The following BTBD16 variants were observed in gnomAD, a reference collection of about 807,000 sequenced individuals.
BTBD16 encodes the protein BTB domain containing 16, also known as BTB/POZ domain-containing protein 16.
A neutral mutation model predicts 67.4 loss-of-function variants in BTBD16; 66 were observed. That is an observed-to-expected ratio of 0.98 (90% CI 0.80 to 1.20). BTBD16 has a LOEUF of 1.20. BTBD16 is among the 50% of genes most tolerant of loss of function. The pLI, the probability that BTBD16 is intolerant of heterozygous loss-of-function variation, is 0.00. For synonymous variants in BTBD16, 242 were observed against 236.4 expected, an observed-to-expected ratio of 1.02 and a Z score of -0.22; for missense variants, 634 against 616.0, an observed-to-expected ratio of 1.03 and a Z score of -0.31.
rs537133654 is a variant in BTBD16, at chr10:122,330,629, A to AT, written c.1004-540dup. Among the ~76,000 whole-genome samples the AT allele has an allele frequency of 5.4e-5, 8 of 147,122 alleles. No homozygotes were observed. The South Asian group carries it at 1.7e-3, about 31-fold the overall frequency. On this transcript the variant is annotated intron_variant, in intron 11 of 15. Coordinates refer to ENST00000260723, the MANE Select transcript of BTBD16 (RefSeq NM_144587.5). ...TTGTACATTAATATGTAGTATAGAC[A>AT]TTTTTTTAAACTGAAGTTGAAATGG...
Position 122,283,885 on chromosome 10 carries a change from G to C in BTBD16, c.202G>C (p.Glu68Gln), listed in dbSNP as rs150016478. 6.8e-6 allele frequency: 11 copies of C among 1,614,092 alleles called. No individual in the cohort carries two copies. In the African/African-American group the frequency reaches 1.5e-4, roughly 22 times the overall value. Residue 68 changes from glutamate (E) to glutamine (Q), a missense_variant, in exon 4 of 16, where the codon GAG (glutamate) becomes CAG (glutamine). Transcript: ENST00000260723. Reference sequence around the variant, plus strand: ...TTCACAAATCCAGAAGTTTTTCTTTGAGAATTTCAAGAACAAGGACATCCA... The same window carrying C: ...TTCACAAATCCAGAAGTTTTTCTTTCAGAATTTCAAGAACAAGGACATCCA... ...CISQIQKFFF[E>Q]NFKNKDIQSG...
chr10:122,321,002 C>A (rs1412274362), intron 10 of BTBD16, among the ~76,000 whole-genome samples: 1 of 152,064 alleles, frequency 6.6e-6, no homozygotes, highest in African/African-American at 2.4e-5. Context: ...GCCTTTGTCT[C>A]CCTCCCTCCC....
chr10:122,319,352 G>A (rs1433582178), intron 10 of BTBD16, among the ~76,000 whole-genome samples: 1 of 152,000 alleles, frequency 6.6e-6, no homozygotes. Flanking sequence ...GAGATTTATT[G>A]TTTTAGCTCT....
Position 122,273,524 on chromosome 10 carries a change from G to T in BTBD16, c.-42-1516G>T, listed in dbSNP as rs140403737. The stretch of plus-strand genomic sequence containing the variant: ...GGAGGCCAAGGCAGGAGGATTGCTT[G>T]ATATCAGGAGTTCAAGACCAGTCTG... On this transcript the variant is annotated intron_variant, in intron 1 of 15. Coordinates refer to ENST00000260723, the MANE Select transcript of BTBD16 (RefSeq NM_144587.5). Among the ~76,000 whole-genome samples, 352 of 152,234 alleles carry T rather than the reference G, an allele frequency of 2.3e-3. 1 individual carries two copies. Among genetic ancestry groups the T allele is most frequent in the African/African-American group, 8.1e-3 (336 of 41,548 alleles).
chr10:122,292,739 C>CT (rs1488292255), intron 7 of BTBD16, among the ~76,000 whole-genome samples: 1 of 152,196 alleles, frequency 6.6e-6, no homozygotes, highest in Non-Finnish European at 1.5e-5. Context: ...TCCCTGCCCT[C>CT]TAAAGTCTCC....
chr10:122,288,813 G>A (rs111388169), intron 5 of BTBD16, among the ~76,000 whole-genome samples: 8 of 152,322 alleles, frequency 5.3e-5, no homozygotes, highest in African/African-American at 9.6e-5. Flanking sequence ...AAGGGAGGGC[G>A]GAAGCCCCAC....
In BTBD16 at chr10:122,316,934, T is replaced by A. The variant is rs74991034; in HGVS notation, c.911+9626T>A. On this transcript the variant is annotated intron_variant, in intron 10 of 15. Coordinates refer to ENST00000260723, the MANE Select transcript of BTBD16 (RefSeq NM_144587.5). ...TCCTGAGTAGCTGGGATTACAGGCA[T>A]GTGTCAGTGCGCCCGGCTAATTTTT... 3.5e-4 allele frequency among the ~76,000 whole-genome samples: 53 copies of A among 152,240 alleles called. No individual in the cohort carries two copies. The East Asian group carries it at 9.3e-3, about 27-fold the overall frequency.
chr10:122,283,998 G>T (rs1590052243), intron 4 of BTBD16, 74 bp downstream of exon 4: 1 of 1,125,318 alleles, frequency 8.9e-7, no homozygotes, highest in East Asian at 2.4e-5. Flanking sequence ...TTTATGGAAG[G>T]AGACCAGTCC....
intron 8 of BTBD16, among the ~76,000 whole-genome samples, chr10:122,298,484 C>T (rs1160700586): frequency 6.6e-6 from 1 of 152,214 alleles, no homozygotes; most frequent in East Asian, 1.9e-4. Context: ...AGAAGCTATT[C>T]GAGGTGTACT....
intron 1 of BTBD16, among the ~76,000 whole-genome samples, chr10:122,271,941 G>A (rs1257119019): frequency 1.3e-5 from 2 of 152,158 alleles, no homozygotes; most frequent in African/African-American, 2.4e-5. Context: ...CCCGTGTGGG[G>A]TTTATTCTGT....
At chr10:122,294,843 G>T (rs1330865008) in intron 7 of BTBD16, among the ~76,000 whole-genome samples, 1 of 152,256 alleles carries the variant, frequency 6.6e-6, no homozygotes, top group Non-Finnish European at 1.5e-5. Context: ...CATAAGAGAA[G>T]GTGCCAGCCT....
rs2096373139 is a variant in BTBD16, at chr10:122,291,106, T to C, written c.502T>C (p.Tyr168His). The C allele has an allele frequency of 6.2e-7, 1 of 1,613,262 alleles. No individual in the cohort carries two copies. Among genetic ancestry groups the C allele is most frequent in the Admixed American group, 1.7e-5 (1 of 59,920 alleles). The change falls in exon 7 of 16, where the codon TAC (tyrosine) becomes CAC (histidine). Residue 168 changes from tyrosine to histidine, a missense_variant. Physicochemically the swap from Tyr to His is moderately conservative, Grantham distance 83. Transcript: ENST00000260723. The part of the protein sequence containing the change: ...VAFATALKNL[Y>H]MSEVEINLED... Reference sequence around the variant, plus strand: ...CTTCGCCACGGCCCTGAAGAACCTCTACATGAGTGAGGTGGAGATTAACTT... The same window carrying C: ...CTTCGCCACGGCCCTGAAGAACCTCCACATGAGTGAGGTGGAGATTAACTT...
chr10:122,294,146 G>T, intron 7 of BTBD16: 4 of 985,434 alleles, frequency 4.1e-6, no homozygotes, highest in Non-Finnish European at 4.8e-6. Flanking sequence ...GGCCAGGGCG[G>T]GCCTGCACAT....
chr10:122,285,785 C>T (rs1258267389), intron 4 of BTBD16, among the ~76,000 whole-genome samples: 2 of 152,112 alleles, frequency 1.3e-5, no homozygotes, highest in African/African-American at 4.8e-5. Context: ...GTCCTCGTTC[C>T]ATGAAGCTTT....
intron 9 of BTBD16, among the ~76,000 whole-genome samples, chr10:122,304,377 A>G (rs2096399498): frequency 6.6e-6 from 1 of 152,146 alleles, no homozygotes; most frequent in Admixed American, 6.5e-5. Context: ...TTGAATGTGG[A>G]AGCGGTGATG....
At chr10:122,277,814 T>C (rs1279785677) in intron 3 of BTBD16, among the ~76,000 whole-genome samples, 1 of 152,108 alleles carries the variant, frequency 6.6e-6, no homozygotes, top group Non-Finnish European at 1.5e-5. Flanking sequence ...GGGATCAAAT[T>C]TCTACACGAG....
At chr10:122,318,627 C>T (rs2096430345) in intron 10 of BTBD16, among the ~76,000 whole-genome samples, 1 of 152,138 alleles carries the variant, frequency 6.6e-6, no homozygotes. Context: ...ACTCTGTTGC[C>T]CAGGCTGGAG....
At chr10:122,333,568 G>A (rs947159959) in intron 13 of BTBD16, among the ~76,000 whole-genome samples, 1 of 152,158 alleles carries the variant, frequency 6.6e-6, no homozygotes, top group African/African-American at 2.4e-5. Flanking sequence ...AAGCAGGATT[G>A]CAGCCAGGGC....
rs149699378 is a variant in BTBD16, at chr10:122,291,133, G to C, written c.529G>C (p.Glu177Gln). The stretch of plus-strand genomic sequence containing the variant: ...CATGAGTGAGGTGGAGATTAACTTG[G>C]AAGACCTACTGGGAGTGCTGGCTTC... ...LYMSEVEINL[E>Q]DLLGVLASAH... The change falls in exon 7 of 16, where the codon GAA becomes CAA. Residue 177 changes from glutamate to glutamine, a missense_variant. Transcript: ENST00000260723. 1.4e-4 allele frequency: 218 copies of C among 1,613,758 alleles called. No homozygotes were observed. In the East Asian group the frequency reaches 4.7e-3, roughly 35 times the overall value.
Sources: allele counts gnomAD v4.1 joint callset (sites outside exome capture counted in the v4.1 genomes callset), GRCh38; gene constraint gnomAD v4.1.1; transcripts MANE v1.5; gene names NCBI Gene and HGNC (gene_info 2026-07-23, HGNC 2026-07-21).